GRIK2: variants seen among roughly 807,000 people sequenced by gnomAD.
GRIK2 encodes glutamate ionotropic receptor kainate type subunit 2.
GRIK2 carries 32 observed loss-of-function variants against 100.3 expected under a neutral mutation model. That is an observed-to-expected ratio of 0.32 (90% CI 0.24 to 0.43). The LOEUF (loss-of-function observed/expected upper bound fraction) is 0.43. GRIK2 is among the 20% of genes least tolerant of loss of function. The pLI, the probability that GRIK2 is intolerant of heterozygous loss-of-function variation, is 1.00. For synonymous variants in GRIK2, 417 were observed against 389.4 expected (o/e 1.07, Z -0.83); for missense variants, 843 against 1,114.9 (o/e 0.76, Z 3.47).
chr6:102,048,462 A>AAT (rs1437532265), intron 15 of GRIK2, among the ~76,000 whole-genome samples: 14 of 152,134 alleles, frequency 9.2e-5, no homozygotes, highest in African/African-American at 2.9e-4. Context: ...CCACACACTC[A>AAT]ATAAGGTGTT....
intron 2 of GRIK2, among the ~76,000 whole-genome samples, chr6:101,509,106 C>T (rs982613978): frequency 7.0e-6 from 1 of 143,242 alleles, no homozygotes; most frequent in Non-Finnish European, 1.5e-5. Context: ...TGCAGTGAGC[C>T]GAGATCATGC....
chr6:101,797,299 T>C (rs1780367355), intron 7 of GRIK2, among the ~76,000 whole-genome samples: 1 of 152,010 alleles, frequency 6.6e-6, no homozygotes, highest in Non-Finnish European at 1.5e-5. Context: ...TTAAACATTA[T>C]TATTTTATTG....
chr6:101,572,278 G>A (rs988426341), intron 2 of GRIK2, among the ~76,000 whole-genome samples: 5 of 151,794 alleles, frequency 3.3e-5, no homozygotes, highest in African/African-American at 1.2e-4. Flanking sequence ...GGTGCTTAAC[G>A]GGTACTTTTA....
chr6:101,746,971 A>G (rs1323010217), intron 7 of GRIK2, among the ~76,000 whole-genome samples: 1 of 152,182 alleles, frequency 6.6e-6, no homozygotes, highest in East Asian at 1.9e-4. Context: ...ATATTTTTAT[A>G]ACCCTTGTTA....
chr6:101,822,591 C>CA (rs1421445500), intron 10 of GRIK2, among the ~76,000 whole-genome samples: 2 of 152,040 alleles, frequency 1.3e-5, no homozygotes, highest in Non-Finnish European at 2.9e-5. Flanking sequence ...TGGTCCACTA[C>CA]AAAAAATCAT....
At chr6:101,986,773 A>C (rs1794036567) in intron 14 of GRIK2, among the ~76,000 whole-genome samples, 2 of 151,852 alleles carry the variant, frequency 1.3e-5, no homozygotes, top group African/African-American at 4.8e-5. Context: ...CCCAGCACTC[A>C]CTGGTTGACT....
At chr6:101,964,568 G>A (rs1031207756) in intron 14 of GRIK2, among the ~76,000 whole-genome samples, 3 of 152,062 alleles carry the variant, frequency 2.0e-5, no homozygotes, top group Admixed American at 6.5e-5. Flanking sequence ...AGGGGGTCTC[G>A]CACACAGGAA....
At chr6:101,501,134 A>G (rs1773727387) in intron 2 of GRIK2, among the ~76,000 whole-genome samples, 2 of 152,072 alleles carry the variant, frequency 1.3e-5, no homozygotes, top group Non-Finnish European at 2.9e-5. Context: ...ACCATCTACA[A>G]CAAAATAAGT....
chr6:101,921,418 G>T (rs182357042), intron 12 of GRIK2, among the ~76,000 whole-genome samples: 1 of 151,970 alleles, frequency 6.6e-6, no homozygotes. Context: ...AATTGTATGA[G>T]CAGAAAAATA....
At chr6:101,956,905 C>G (rs1791974267) in intron 14 of GRIK2, among the ~76,000 whole-genome samples, 1 of 150,440 alleles carries the variant, frequency 6.6e-6, no homozygotes, top group Non-Finnish European at 1.5e-5. Context: ...TTGATGGACA[C>G]TTAGGTTTAT....
chr6:101,928,656 A>G (rs756240763), intron 14 of GRIK2, 24 bp downstream of exon 14: 16 of 1,170,290 alleles, frequency 1.4e-5, no homozygotes, highest in Non-Finnish European at 1.9e-5. Context: ...GTTACCTAAA[A>G]TTTACAAATT....
intron 2 of GRIK2, among the ~76,000 whole-genome samples, chr6:101,482,335 C>T (rs771409833): frequency 1.3e-5 from 2 of 152,094 alleles, no homozygotes; most frequent in Non-Finnish European, 2.9e-5. Context: ...TATCGACAGG[C>T]AAAACAGGGA....
At chr6:102,052,946 T>C (rs1771275083) in intron 15 of GRIK2, among the ~76,000 whole-genome samples, 1 of 152,026 alleles carries the variant, frequency 6.6e-6, no homozygotes. Context: ...CGGGCACCTG[T>C]CATCCCAGCT....
intron 2 of GRIK2, among the ~76,000 whole-genome samples, chr6:101,514,858 T>C (rs1037206848): frequency 6.6e-6 from 1 of 152,182 alleles, no homozygotes; most frequent in Non-Finnish European, 1.5e-5. Flanking sequence ...TGAAGAAATC[T>C]TCAGTTCCTG....
rs538971498 is a variant in GRIK2 at position 101,848,597 on chromosome 6, A to G, written c.1318-10690A>G. Among the ~76,000 whole-genome samples, 7 of 152,286 alleles carry G rather than the reference A, an allele frequency of 4.6e-5. No individual in the cohort carries two copies. In the East Asian group the frequency reaches 1.4e-3, roughly 29 times the overall value. ...TATAGATATCTACATGCATCTTGTT[A>G]AACTTCAAATAAAAATTTAGAAAAT... On this transcript the variant is annotated intron_variant, in intron 10 of 16. Transcript: ENST00000369134.
intron 10 of GRIK2, among the ~76,000 whole-genome samples, chr6:101,848,534 C>T (rs973198757): frequency 3.3e-4 from 50 of 152,068 alleles, no homozygotes; most frequent in Non-Finnish European, 1.2e-4. Context: ...TGAATGAATA[C>T]ATCCAAAATA....
In GRIK2 at chr6:101,685,008, T is replaced by G. The variant is rs115787391; in HGVS notation, c.778-1172T>G. Among the ~76,000 whole-genome samples, 1,196 of 152,182 alleles carry G rather than the reference T, an allele frequency of 7.9e-3. 12 individuals carry two copies. Among genetic ancestry groups the G allele is most frequent in the African/African-American group, 0.026 (1,065 of 41,538 alleles). On this transcript the variant is annotated intron_variant, in intron 6 of 16. Transcript: ENST00000369134. The stretch of plus-strand genomic sequence containing the variant: ...CCTTCCTGCTTCTGTGTCTTCTCAA[T>G]TTCCTATAGCCAAGTACCATATTTG...
chr6:101,640,488 C>T (rs900197363), intron 4 of GRIK2, among the ~76,000 whole-genome samples: 3 of 152,070 alleles, frequency 2.0e-5, no homozygotes, highest in East Asian at 3.9e-4. Context: ...CCTAAAATAC[C>T]GCCAAAATAT....
At chr6:101,661,196 C>A (rs1035500890) in intron 4 of GRIK2, among the ~76,000 whole-genome samples, 1 of 152,100 alleles carries the variant, frequency 6.6e-6, no homozygotes. Context: ...TCTAGAGGGG[C>A]GATCTGGCCA....
Sources: gnomAD v4.1 joint callset for allele counts (sites outside exome capture counted in the v4.1 genomes callset) on GRCh38, gnomAD v4.1.1 for gene constraint, MANE v1.5 for transcripts, NCBI Gene and HGNC (gene_info 2026-07-23, HGNC 2026-07-21) for gene names.